The following CSMD3 variants were observed in gnomAD, a reference collection of about 807,000 sequenced individuals.
The protein encoded by CSMD3 is CUB and sushi domain-containing protein 3.
In CSMD3, 177 loss-of-function variants were observed where a neutral mutation model predicts 435.2. That is an observed-to-expected ratio of 0.41 (90% CI 0.36 to 0.46). CSMD3 has a LOEUF of 0.46. Among genes scored for constraint, CSMD3 ranks in the 20% least tolerant of loss-of-function variants. CSMD3 has a pLI of 0.34. For synonymous variants in CSMD3, 1,656 were observed against 1,520.5 expected, an observed-to-expected ratio of 1.09 and a Z score of -2.07; for missense variants, 4,265 against 4,504.6, an observed-to-expected ratio of 0.95 and a Z score of 1.52.
chr8:112,746,611 G>T, intron 13 of CSMD3, among the ~76,000 whole-genome samples: 1 of 150,524 alleles, frequency 6.6e-6, no homozygotes. Context: ...TTTCTTTATG[G>T]CTGTTTTATT....
At chr8:112,833,902 A>C (rs910910153) in intron 11 of CSMD3, among the ~76,000 whole-genome samples, 1 of 152,014 alleles carries the variant, frequency 6.6e-6, no homozygotes, top group Non-Finnish European at 1.5e-5. Flanking sequence ...CACAGTAGAT[A>C]TATGAGTGCA....
intron 4 of CSMD3, among the ~76,000 whole-genome samples, chr8:113,116,335 A>G (rs1478059726): frequency 6.6e-6 from 1 of 152,100 alleles, no homozygotes; most frequent in Non-Finnish European, 1.5e-5. Flanking sequence ...TAAGGAGTTT[A>G]TGCCTTCGCT....
intron 15 of CSMD3, among the ~76,000 whole-genome samples, chr8:112,683,139 A>G (rs2075937940): frequency 6.6e-6 from 1 of 151,834 alleles, no homozygotes; most frequent in Non-Finnish European, 1.5e-5. Flanking sequence ...TTTTTAAATA[A>G]TTTTCCATGA....
intron 53 of CSMD3, among the ~76,000 whole-genome samples, chr8:112,300,746 T>C (rs1261662362): frequency 1.3e-5 from 2 of 152,174 alleles, no homozygotes; most frequent in African/African-American, 4.8e-5. Context: ...CAAGCATAAC[T>C]ATTAACAAAT....
chr8:112,267,039 T>C (rs1817017854), intron 59 of CSMD3, among the ~76,000 whole-genome samples: 1 of 152,292 alleles, frequency 6.6e-6, no homozygotes, highest in South Asian at 2.1e-4. Flanking sequence ...TTCTGTCTTT[T>C]TTAAATTCAC....
chr8:112,243,443 G>A (rs575941442), intron 65 of CSMD3, among the ~76,000 whole-genome samples: 1 of 152,136 alleles, frequency 6.6e-6, no homozygotes, highest in East Asian at 1.9e-4. Context: ...TCCTTCTTCT[G>A]GCATTATAAC....
chr8:112,982,530 C>T (rs1213164822), intron 6 of CSMD3, among the ~76,000 whole-genome samples: 4 of 151,886 alleles, frequency 2.6e-5, no homozygotes, highest in Admixed American at 6.6e-5. Flanking sequence ...AATGAAACGT[C>T]ACACACACTT....
At chr8:112,676,014 C>G (rs146564942) in intron 16 of CSMD3, among the ~76,000 whole-genome samples, 1 of 152,006 alleles carries the variant, frequency 6.6e-6, no homozygotes, top group East Asian at 1.9e-4. Context: ...TGATAAAGAC[C>G]GAAGAATTTT....
At chr8:112,388,831 C>A (rs2129685299) in intron 36 of CSMD3, among the ~76,000 whole-genome samples, 1 of 152,210 alleles carries the variant, frequency 6.6e-6, no homozygotes, top group African/African-American at 2.4e-5. Context: ...TGGAATTAGA[C>A]AAGGTCCCAG....
intron 32 of CSMD3, among the ~76,000 whole-genome samples, chr8:112,444,729 G>A (rs183926345): frequency 1.2e-4 from 19 of 152,274 alleles, no homozygotes; most frequent in Non-Finnish European, 2.4e-4. Context: ...GGAAGCTGAT[G>A]GCAATGGGGC....
rs74711412 is a variant in CSMD3 at position 112,854,746 on chromosome 8, T to G, written c.1755+4399A>C. The stretch of plus-strand genomic sequence containing the variant: ...AAAGTACAGAATCTTAAAACCCGAG[T>G]TTTCAGAGTCATTTCTGCCAATTTC... On this transcript the variant is annotated intron_variant, in intron 11 of 70. Transcript: ENST00000297405. Among the ~76,000 whole-genome samples, 4 of 152,248 alleles carry G rather than the reference T, an allele frequency of 2.6e-5. No individual in the cohort carries two copies. In the East Asian group the frequency reaches 7.7e-4, roughly 29 times the overall value.
At chr8:112,469,565 C>A (rs1586428729) in intron 32 of CSMD3, among the ~76,000 whole-genome samples, 1 of 152,136 alleles carries the variant, frequency 6.6e-6, no homozygotes, top group South Asian at 2.1e-4. Flanking sequence ...CACTTCAGAT[C>A]ATCAGGCATT....
intron 38 of CSMD3, among the ~76,000 whole-genome samples, chr8:112,362,477 G>A (rs1317535081): frequency 6.6e-6 from 1 of 151,960 alleles, no homozygotes; most frequent in East Asian, 1.9e-4. Flanking sequence ...TCAAATTTTA[G>A]TCTATAGAAT....
chr8:112,342,364 T>C (rs1825206634), intron 41 of CSMD3, among the ~76,000 whole-genome samples: 1 of 152,082 alleles, frequency 6.6e-6, no homozygotes, highest in African/African-American at 2.4e-5. Context: ...AAAATGTTAA[T>C]TAAAGTATAT....
At chr8:113,182,569 A>C (rs1417402819) in intron 3 of CSMD3, among the ~76,000 whole-genome samples, 1 of 151,714 alleles carries the variant, frequency 6.6e-6, no homozygotes, top group Non-Finnish European at 1.5e-5. Context: ...AAACAAAAAC[A>C]AAAAAAACTC....
chr8:112,371,114 G>C (rs948213451), intron 38 of CSMD3, among the ~76,000 whole-genome samples: 1 of 152,274 alleles, frequency 6.6e-6, no homozygotes, highest in East Asian at 1.9e-4. Flanking sequence ...TCTCACTGCT[G>C]TTCTCCAGCC....
At chr8:113,295,232 G>A (rs1442731734) in intron 2 of CSMD3, among the ~76,000 whole-genome samples, 6 of 152,022 alleles carry the variant, frequency 3.9e-5, no homozygotes, top group Non-Finnish European at 8.8e-5. Flanking sequence ...AATTATTGTT[G>A]ACTGTAATCA....
intron 4 of CSMD3, among the ~76,000 whole-genome samples, chr8:113,158,013 A>C (rs1403146288): frequency 6.6e-6 from 1 of 152,102 alleles, no homozygotes; most frequent in Admixed American, 6.6e-5. Flanking sequence ...ATCATTTCAA[A>C]ATATAAGTAA....
intron 24 of CSMD3, among the ~76,000 whole-genome samples, chr8:112,560,789 C>T (rs980815323): frequency 3.3e-5 from 5 of 151,674 alleles, no homozygotes; most frequent in Non-Finnish European, 7.4e-5. Context: ...CTTAATACTA[C>T]ATTTAAACGT....
Sources: allele counts gnomAD v4.1 joint callset (sites outside exome capture counted in the v4.1 genomes callset), GRCh38; gene constraint gnomAD v4.1.1; transcripts MANE v1.5; gene names NCBI Gene and HGNC (gene_info 2026-07-23, HGNC 2026-07-21).